Variants in UNG observed in about 807,000 individuals in gnomAD.
UNG encodes uracil DNA glycosylase.
In UNG, 34 loss-of-function variants were observed where a neutral mutation model predicts 36.5. That is an observed-to-expected ratio of 0.93 (90% CI 0.71 to 1.24). UNG has a LOEUF of 1.24. Among genes scored for constraint, UNG ranks in the 50% most tolerant of loss-of-function variants. The pLI, the probability that UNG is intolerant of heterozygous loss-of-function variation, is 0.00. For missense variants in UNG, 391 were observed against 397.6 expected (o/e 0.98, Z 0.14); for synonymous variants, 172 against 157.8 (o/e 1.09, Z -0.67).
intron 4 of UNG, among the ~76,000 whole-genome samples, chr12:109,102,296 C>G (rs55740597): frequency 0.011 from 1,713 of 152,142 alleles, 34 homozygotes; most frequent in African/African-American, 0.038. Flanking sequence ...CCCTTGGGGG[C>G]GTAAAATCAC....
At position 109,098,473 on chromosome 12, in the gene UNG, T is replaced by C. The variant is rs2042150584; in HGVS notation, c.174T>C (p.Pro58=). Residue 58 remains proline, a synonymous_variant, in exon 2 of 7, where the codon CCT becomes CCC. Transcript: ENST00000242576. ...AKKAPAGQEE[P]GTPPSSPLSA... is the part of the protein sequence containing the mutation. ...AGGCCCCGGCTGGGCAGGAGGAGCCTGGGACGCCGCCCTCCTCGCCGCTGA... is the reference window on the plus strand; with the variant it reads ...AGGCCCCGGCTGGGCAGGAGGAGCCCGGGACGCCGCCCTCCTCGCCGCTGA... 1.2e-6 allele frequency: 2 copies of C among 1,611,926 alleles called. No individual in the cohort carries two copies.
intron 6 of UNG, chr12:109,105,195 T>G (rs2042207206): frequency 6.6e-6 from 1 of 152,248 alleles, no homozygotes; most frequent in African/African-American, 2.4e-5. Context: ...ATTACAGATG[T>G]AAGCCACCGC....
intron 6 of UNG, among the ~76,000 whole-genome samples, chr12:109,104,755 C>T (rs1462017129): frequency 6.6e-6 from 1 of 151,778 alleles, no homozygotes; most frequent in Non-Finnish European, 1.5e-5. Flanking sequence ...ATGGGAGAGA[C>T]ATTGGGTGGG....
intron 6 of UNG, 84 bp from the exon 7 acceptor site, chr12:109,109,745 T>A: frequency 6.6e-7 from 1 of 1,523,754 alleles, no homozygotes; most frequent in South Asian, 1.2e-5. Context: ...ATCACGCCAC[T>A]GCAGCAAGAC....
At chr12:109,098,017 GCC>G (rs1466809859) in intron 1 of UNG, 6 of 1,289,860 alleles carry the variant, frequency 4.7e-6, no homozygotes, top group Admixed American at 3.1e-5. Flanking sequence ...GCGTCTCGGG[GCC>G]CATGGCGCCA....
chr12:109,107,784 C>T (rs886607945), intron 6 of UNG, among the ~76,000 whole-genome samples: 1 of 152,130 alleles, frequency 6.6e-6, no homozygotes, highest in African/African-American at 2.4e-5. Flanking sequence ...CTCAGCCTCC[C>T]AAAGTGCTGG....
rs576044400 is a variant in UNG at position 109,099,248 on chromosome 12, A to G, written c.399A>G (p.Gln133=). Reference sequence around the variant, plus strand: ...ACACTGTTTATCCACCCCCACACCAAGTCTTCACCTGGACCCAGATGTGTG... The same window carrying G: ...ACACTGTTTATCCACCCCCACACCAGGTCTTCACCTGGACCCAGATGTGTG... ...KHYTVYPPPH[Q]VFTWTQMCDI... Residue 133 remains glutamine (Q), a synonymous_variant, in exon 3 of 7, where the codon CAA becomes CAG. Coordinates refer to ENST00000242576, the MANE Select transcript of UNG (RefSeq NM_080911.3). 6 of 1,614,128 alleles carry G rather than the reference A, an allele frequency of 3.7e-6. No homozygotes were observed. Among genetic ancestry groups the G allele is most frequent in the African/African-American group, 2.7e-5 (2 of 75,056 alleles).
chr12:109,107,081 G>A (rs188013145), intron 6 of UNG, among the ~76,000 whole-genome samples: 42 of 150,920 alleles, frequency 2.8e-4, no homozygotes, highest in African/African-American at 9.8e-4. Context: ...GCCTAGGTGT[G>A]TAGTGGTAGG....
At chr12:109,098,104 G>A in intron 1 of UNG, 2 of 1,385,512 alleles carry the variant, frequency 1.4e-6, no homozygotes, top group Non-Finnish European at 1.9e-6. Context: ...CCCAGAGGGA[G>A]GTTTTTTGCC....
intron 6 of UNG, among the ~76,000 whole-genome samples, chr12:109,106,102 C>T (rs1393635008): frequency 6.6e-6 from 1 of 152,210 alleles, no homozygotes; most frequent in Non-Finnish European, 1.5e-5. Context: ...CTGACATTTA[C>T]AGGGGCCTGT....
chr12:109,104,033 A>ATCATTATTG (rs895290526), intron 6 of UNG, among the ~76,000 whole-genome samples: 1 of 137,594 alleles, frequency 7.3e-6, no homozygotes, highest in African/African-American at 2.8e-5. Context: ...ACTATCAGTG[A>ATCATTATTG]TCATTATTGT....
rs3219212 is a variant in UNG at position 109,098,776 on chromosome 12, G to T, written c.339+138G>T. 3.4e-4 allele frequency: 396 copies of T among 1,161,030 alleles called. 1 individual carries two copies. In the African/African-American group the frequency reaches 5.8e-3, roughly 17 times the overall value. The allele number at this position is 1,161,030 out of a possible 1,614,324, so 71.9% of individuals were successfully genotyped here. On this transcript the variant is annotated intron_variant, in intron 2 of 6. Coordinates refer to ENST00000242576, the MANE Select transcript of UNG (RefSeq NM_080911.3). ...TTCAACCTCCTTTACTCACAAAGGG[G>T]GTAAAAGAAAGCCATGATGTTTCAC... is the stretch of plus-strand genomic sequence containing the variant.
intron 2 of UNG, 59 bp downstream of exon 2, chr12:109,098,697 C>CT (rs1354473621): frequency 2.5e-6 from 4 of 1,608,480 alleles, no homozygotes; most frequent in Non-Finnish European, 3.4e-6. Flanking sequence ...GCCCTTTTGT[C>CT]TTGTTAGTGT....
chr12:109,106,132 A>G (rs928036729), intron 6 of UNG, among the ~76,000 whole-genome samples: 44 of 152,146 alleles, frequency 2.9e-4, no homozygotes, highest in African/African-American at 1.0e-3. Flanking sequence ...GTGTGTGTTC[A>G]GCATTTGGTG....
At chr12:109,109,319 C>G (rs946215595) in intron 6 of UNG, among the ~76,000 whole-genome samples, 3 of 152,080 alleles carry the variant, frequency 2.0e-5, no homozygotes, top group Admixed American at 2.0e-4. Flanking sequence ...GGGTGGTGCT[C>G]TTTGCATCTC....
At chr12:109,098,689 C>G (rs761849141) in intron 2 of UNG, 51 bp downstream of exon 2, 2 of 1,611,126 alleles carry the variant, frequency 1.2e-6, no homozygotes, top group South Asian at 2.2e-5. Flanking sequence ...GGCTGCCGGC[C>G]CTTTTGTCTT....
intron 3 of UNG, among the ~76,000 whole-genome samples, chr12:109,100,646 T>G (rs3219219): frequency 2.6e-5 from 4 of 152,200 alleles, no homozygotes; most frequent in African/African-American, 9.7e-5. Context: ...AAAGGAATAT[T>G]TTGAGGGAAT....
chr12:109,105,200 C>G (rs1372394737), intron 6 of UNG: 3 of 152,202 alleles, frequency 2.0e-5, no homozygotes, highest in Non-Finnish European at 4.4e-5. Flanking sequence ...AGATGTAAGC[C>G]ACCGCACCCG....
intron 5 of UNG, 48 bp from the exon 6 acceptor site, chr12:109,103,385 G>A (rs909878794): frequency 6.4e-7 from 1 of 1,573,610 alleles, no homozygotes; most frequent in Non-Finnish European, 8.7e-7. Context: ...TGGGTATTGG[G>A]CTGATTTGCC....
Sources: gnomAD v4.1 joint callset for allele counts (sites outside exome capture counted in the v4.1 genomes callset) on GRCh38, gnomAD v4.1.1 for gene constraint, MANE v1.5 for transcripts, NCBI Gene and HGNC (gene_info 2026-07-23, HGNC 2026-07-21) for gene names.